The following CNTNAP5 variants were observed in gnomAD, a reference collection of about 807,000 sequenced individuals.
CNTNAP5 encodes the protein contactin associated protein family member 5.
A neutral mutation model predicts 150.2 loss-of-function variants in CNTNAP5; 72 were observed. The observed-to-expected ratio is 0.48, with a 90% CI of 0.40 to 0.58. The LOEUF (loss-of-function observed/expected upper bound fraction) is 0.58, where lower values mean the gene tolerates loss of function less well. Among genes scored for constraint, CNTNAP5 ranks in the 20% least tolerant of loss-of-function variants. The pLI is 0.00. For missense variants in CNTNAP5, 1,636 were observed against 1,626.2 expected (o/e 1.01, Z -0.10); for synonymous variants, 672 against 619.8 (o/e 1.08, Z -1.25).
At chr2:124,409,727 G>A (rs1264751771) in intron 3 of CNTNAP5, among the ~76,000 whole-genome samples, 1 of 149,480 alleles carries the variant, frequency 6.7e-6, no homozygotes, top group Admixed American at 6.7e-5. Context: ...CCTGAAGGAA[G>A]CGCTAAACAT....
intron 19 of CNTNAP5, among the ~76,000 whole-genome samples, chr2:124,829,822 C>A (rs1682675050): frequency 6.6e-6 from 1 of 151,700 alleles, no homozygotes; most frequent in African/African-American, 2.4e-5. Flanking sequence ...TGAAAGTTCC[C>A]AGTTGACAAG....
intron 3 of CNTNAP5, among the ~76,000 whole-genome samples, chr2:124,266,218 C>G (rs1687603532): frequency 6.6e-6 from 1 of 152,160 alleles, no homozygotes; most frequent in African/African-American, 2.4e-5. Flanking sequence ...AGACTTGGAT[C>G]TAAGTTTGAG....
chr2:124,574,600 G>A (rs1159679976), intron 11 of CNTNAP5, among the ~76,000 whole-genome samples: 1 of 152,194 alleles, frequency 6.6e-6, no homozygotes, highest in Non-Finnish European at 1.5e-5. Context: ...TCCCCTTGAA[G>A]TATTTGGTAT....
At chr2:124,694,910 G>T (rs1278726900) in intron 13 of CNTNAP5, among the ~76,000 whole-genome samples, 1 of 152,044 alleles carries the variant, frequency 6.6e-6, no homozygotes, top group African/African-American at 2.4e-5. Context: ...ATATGCTAAA[G>T]CTTTGCTTGT....
Position 124,664,390 on chromosome 2 carries a change from A to G in CNTNAP5, c.2077+16432A>G, listed in dbSNP as rs1472620359. ...GGTGCAATAACAACAAGGTAAAAAC[A>G]AACAAAACCCAGAAACAGAACATCT... On this transcript the variant is annotated intron_variant, in intron 13 of 23. Coordinates refer to ENST00000682447, the MANE Select transcript of CNTNAP5 (RefSeq NM_001367498.1). Among the ~76,000 whole-genome samples, 12 of 152,240 alleles carry G rather than the reference A, an allele frequency of 7.9e-5. No homozygotes were observed. The East Asian group carries it at 2.3e-3, about 29-fold the overall frequency.
chr2:124,147,894 G>C (rs1684293448), intron 1 of CNTNAP5, among the ~76,000 whole-genome samples: 1 of 152,238 alleles, frequency 6.6e-6, no homozygotes, highest in East Asian at 1.9e-4. Context: ...CAAAGGGAGA[G>C]TAGTGAGGCA....
chr2:124,393,143 C>T (rs576625060), intron 3 of CNTNAP5, among the ~76,000 whole-genome samples: 1 of 152,216 alleles, frequency 6.6e-6, no homozygotes, highest in South Asian at 2.1e-4. Flanking sequence ...TGAATCCCTG[C>T]CAATTTACCA....
chr2:124,624,892 TG>T (rs1037119743), intron 12 of CNTNAP5, among the ~76,000 whole-genome samples: 5 of 152,192 alleles, frequency 3.3e-5, no homozygotes, highest in African/African-American at 1.2e-4. Context: ...TTAGGCACCA[TG>T]CTAGGTATTT....
chr2:124,879,888 G>C (rs1470660131), intron 21 of CNTNAP5, among the ~76,000 whole-genome samples: 1 of 152,108 alleles, frequency 6.6e-6, no homozygotes, highest in Non-Finnish European at 1.5e-5. Context: ...TCCAAGCTAA[G>C]AGTAATGAAC....
chr2:124,777,147 A>G (rs145537994), intron 17 of CNTNAP5, among the ~76,000 whole-genome samples: 1,653 of 116,682 alleles, frequency 0.014, 18 homozygotes, highest in Non-Finnish European at 0.02. Flanking sequence ...TTTAGTGGGG[A>G]AAAAAAAAAA....
At chr2:124,533,997 A>G (rs949689099) in intron 10 of CNTNAP5, among the ~76,000 whole-genome samples, 10 of 152,128 alleles carry the variant, frequency 6.6e-5, no homozygotes, top group Non-Finnish European at 1.5e-5. Context: ...TTGCTTAAAA[A>G]ACTTTATAAA....
chr2:124,658,069 G>A (rs891637245), intron 13 of CNTNAP5, among the ~76,000 whole-genome samples: 1 of 152,156 alleles, frequency 6.6e-6, no homozygotes, highest in Non-Finnish European at 1.5e-5. Flanking sequence ...GGCACCTAGG[G>A]ACAATTGAGT....
intron 6 of CNTNAP5, among the ~76,000 whole-genome samples, chr2:124,455,912 C>A (rs896364448): frequency 6.6e-6 from 1 of 152,088 alleles, no homozygotes; most frequent in African/African-American, 2.4e-5. Context: ...AAGGGACATA[C>A]TTCCATGTAA....
In CNTNAP5 at chr2:124,605,850, GAA is replaced by G. The variant is rs1409960552; in HGVS notation, c.1757-3949_1757-3948del. ...AAAAAAAAAGAAGGAAAGAAAGAAAGAAAGAATAGAAAGAATTATTATATTTA... is the reference window on the plus strand; with the variant it reads ...AAAAAAAAAGAAGGAAAGAAAGAAAGAGAATAGAAAGAATTATTATATTTA... On this transcript the variant is annotated intron_variant, in intron 11 of 23. Transcript: ENST00000682447. Among the ~76,000 whole-genome samples the G allele has an allele frequency of 3.2e-3, 379 of 118,370 alleles. 2 individuals are homozygous for G. Among genetic ancestry groups the G allele is most frequent in the African/African-American group, 0.011 (357 of 32,630 alleles). The allele number at this position is 118,370 out of a possible 152,430, so 77.7% of individuals were successfully genotyped here. A position where few individuals can be genotyped will look rare whatever the true frequency, so the allele number is the denominator to read the frequency against.
chr2:124,606,590 T>G (rs1432435416), intron 11 of CNTNAP5, among the ~76,000 whole-genome samples: 1 of 152,108 alleles, frequency 6.6e-6, no homozygotes, highest in Non-Finnish European at 1.5e-5. Flanking sequence ...AAAACATACC[T>G]GAGACTGCGC....
intron 11 of CNTNAP5, among the ~76,000 whole-genome samples, chr2:124,581,821 G>A (rs10188479): frequency 0.046 from 6,927 of 152,152 alleles, 525 homozygotes; most frequent in African/African-American, 0.16. Flanking sequence ...TGCACATGAC[G>A]CATCCCCAGG....
intron 3 of CNTNAP5, among the ~76,000 whole-genome samples, chr2:124,301,874 T>G (rs1348603177): frequency 1.3e-5 from 2 of 152,226 alleles, no homozygotes; most frequent in Non-Finnish European, 1.5e-5. Flanking sequence ...GGACTATATT[T>G]TATTATCCCC....
chr2:124,349,947 C>A (rs150665665), intron 3 of CNTNAP5, among the ~76,000 whole-genome samples: 1 of 134,870 alleles, frequency 7.4e-6, no homozygotes, highest in East Asian at 2.3e-4. Flanking sequence ...TGCAACGGCG[C>A]GATCTTGGCT....
intron 14 of CNTNAP5, among the ~76,000 whole-genome samples, chr2:124,762,464 G>C (rs957040615): frequency 1.3e-5 from 2 of 152,056 alleles, no homozygotes; most frequent in African/African-American, 4.8e-5. Flanking sequence ...TGGGGCCACA[G>C]AGTAGTTCAG....
Sources: allele counts gnomAD v4.1 joint callset (sites outside exome capture counted in the v4.1 genomes callset), GRCh38; gene constraint gnomAD v4.1.1; transcripts MANE v1.5; gene names NCBI Gene and HGNC (gene_info 2026-07-23, HGNC 2026-07-21).